Variants in EFR3A observed in about 807,000 individuals in gnomAD.
EFR3A encodes protein EFR3 homolog A.
Under a neutral mutation model 104.4 loss-of-function variants are expected in EFR3A, and 76 were observed. The ratio of observed to expected loss-of-function variants is 0.73; its 90% CI spans 0.60 to 0.88. The LOEUF (loss-of-function observed/expected upper bound fraction) is 0.88. EFR3A is among the 40% of genes least tolerant of loss of function. The pLI, the probability that EFR3A is intolerant of heterozygous loss-of-function variation, is 0.00. For missense variants in EFR3A, 985 were observed against 1,012.5 expected (o/e 0.97, Z 0.37); for synonymous variants, 330 against 330.0 (o/e 1.00, Z 0.00).
Position 131,958,228 on chromosome 8 carries a change from A to G in EFR3A, c.777-1357A>G, listed in dbSNP as rs549982583. Among the ~76,000 whole-genome samples, 157 of 152,310 alleles carry G rather than the reference A, an allele frequency of 1.0e-3. 1 individual carries two copies. The highest frequency in any genetic ancestry group is 3.6e-3 in the African/African-American group (148 of 41,588). ...TAACTTGACTATTGGGTAAGAATCC[A>G]TAAGATCATGATAATGCAGGTCATA... is the stretch of plus-strand genomic sequence containing the variant. On this transcript the variant is annotated intron_variant, in intron 7 of 22. Coordinates refer to ENST00000254624, the MANE Select transcript of EFR3A (RefSeq NM_015137.6).
intron 8 of EFR3A, among the ~76,000 whole-genome samples, chr8:131,966,825 A>G (rs184611553): frequency 1.9e-4 from 29 of 152,170 alleles, no homozygotes; most frequent in Admixed American, 1.8e-3. Context: ...ACCATAGGTA[A>G]ATGAAACCTC....
At chr8:131,988,806 A>T (rs566310438) in intron 18 of EFR3A, among the ~76,000 whole-genome samples, 1 of 152,226 alleles carries the variant, frequency 6.6e-6, no homozygotes, top group East Asian at 1.9e-4. Flanking sequence ...TAGCTTAATA[A>T]AATGTGCCTT....
At chr8:131,958,118 A>G (rs925445382) in intron 7 of EFR3A, among the ~76,000 whole-genome samples, 4 of 152,194 alleles carry the variant, frequency 2.6e-5, no homozygotes, top group African/African-American at 9.6e-5. Context: ...TATGCGAACT[A>G]TAAGTAATTG....
At chr8:131,916,692 A>T (rs1211970470) in intron 1 of EFR3A, among the ~76,000 whole-genome samples, 1 of 152,230 alleles carries the variant, frequency 6.6e-6, no homozygotes, top group Admixed American at 6.5e-5. Context: ...AACAAATACC[A>T]TTGCAACAAA....
intron 1 of EFR3A, among the ~76,000 whole-genome samples, chr8:131,928,987 A>G (rs916221723): frequency 5.9e-5 from 9 of 152,212 alleles, no homozygotes; most frequent in African/African-American, 2.2e-4. Flanking sequence ...TTCTTACCTC[A>G]GGATTCTCTA....
chr8:132,007,424 A>G (rs905492459), intron 22 of EFR3A, among the ~76,000 whole-genome samples: 8 of 151,956 alleles, frequency 5.3e-5, no homozygotes, highest in Non-Finnish European at 2.9e-5. Context: ...ATTTAACAGT[A>G]TGTAAGATTT....
chr8:131,969,926 T>G (rs1051351021), intron 9 of EFR3A, among the ~76,000 whole-genome samples: 1 of 152,092 alleles, frequency 6.6e-6, no homozygotes, highest in East Asian at 1.9e-4. Flanking sequence ...TAAAATAAAG[T>G]GGACAGAAGC....
Position 131,976,123 on chromosome 8 carries a change from T to C in EFR3A, c.1256T>C (p.Leu419Ser), listed in dbSNP as rs769708336. ...GTCTTTGGAACATCTACCCATACTT[T>C]GGATATCAGTCAACTAGGGTATGTT... ...VPVFGTSTHT[L>S]DISQLGDLGT... The change falls in exon 11 of 23, where the codon TTG becomes TCG. Residue 419 changes from leucine to serine, a missense_variant. By Grantham distance (145) the Leu-to-Ser change is moderately radical. Coordinates refer to ENST00000254624, the MANE Select transcript of EFR3A (RefSeq NM_015137.6). 6.3e-7 allele frequency: 1 copy of C among 1,590,472 alleles called. No individual in the cohort carries two copies. The highest frequency in any genetic ancestry group is 1.7e-5 in the Admixed American group (1 of 58,134).
intron 8 of EFR3A, among the ~76,000 whole-genome samples, chr8:131,962,482 A>G (rs903612734): frequency 6.6e-6 from 1 of 152,224 alleles, no homozygotes; most frequent in African/African-American, 2.4e-5. Flanking sequence ...CATAATGGTA[A>G]AGGGATCAAT....
At chr8:131,999,348 G>A (rs955338607) in intron 19 of EFR3A, among the ~76,000 whole-genome samples, 1 of 152,102 alleles carries the variant, frequency 6.6e-6, no homozygotes, top group African/African-American at 2.4e-5. Context: ...ACACTCTGTG[G>A]TGCTAGATGC....
chr8:131,984,030 T>C, intron 14 of EFR3A, 109 bp from the exon 15 acceptor site: 1 of 871,082 alleles, frequency 1.1e-6, no homozygotes, highest in Non-Finnish European at 1.6e-6. Flanking sequence ...TTCATTTCCA[T>C]GTTAAGCTAT....
At chr8:132,010,429 T>A (rs1045754361) in intron 22 of EFR3A, among the ~76,000 whole-genome samples, 1 of 112,434 alleles carries the variant, frequency 8.9e-6, no homozygotes, top group Non-Finnish European at 1.8e-5. Flanking sequence ...TATATATATA[T>A]ATATATATAT....
At chr8:131,946,258 G>A (rs10104588) in intron 3 of EFR3A, among the ~76,000 whole-genome samples, 51,277 of 151,758 alleles carry the variant, frequency 0.34, 9,027 homozygotes, top group East Asian at 0.61. Flanking sequence ...GAGAAAATGG[G>A]GGAATACAGT....
At chr8:131,966,699 A>C (rs923039120) in intron 8 of EFR3A, among the ~76,000 whole-genome samples, 1 of 152,104 alleles carries the variant, frequency 6.6e-6, no homozygotes, top group Non-Finnish European at 1.5e-5. Flanking sequence ...TCAGAATTCG[A>C]TCTTGGGCGA....
intron 1 of EFR3A, among the ~76,000 whole-genome samples, chr8:131,938,863 C>A (rs557999048): frequency 6.6e-6 from 1 of 152,054 alleles, no homozygotes; most frequent in East Asian, 1.9e-4. Flanking sequence ...ATGATCATAA[C>A]CCTCAGAGAG....
Position 131,970,311 on chromosome 8 carries a change from A to G in EFR3A, c.992-165A>G, listed in dbSNP as rs1190460506. ...GTTATAATGAGTGTCTTTCTTAATT[A>G]TTTCTCATTTACTCTTTTTTAAAAA... is the stretch of plus-strand genomic sequence containing the variant. On this transcript the variant is annotated intron_variant, in intron 9 of 22. Transcript: ENST00000254624. Among the ~76,000 whole-genome samples, 3 of 152,160 alleles carry G rather than the reference A, an allele frequency of 2.0e-5. No individual in the cohort carries two copies. The South Asian group carries it at 6.2e-4, about 32-fold the overall frequency.
intron 7 of EFR3A, 108 bp downstream of exon 7, chr8:131,956,013 A>G (rs1014332330): frequency 7.8e-7 from 1 of 1,275,622 alleles, no homozygotes; most frequent in Non-Finnish European, 1.1e-6. Flanking sequence ...TGAGTTATTA[A>G]TGGAACCAGT....
At chr8:131,946,833 A>G (rs182908339) in intron 4 of EFR3A, among the ~76,000 whole-genome samples, 200 bp downstream of exon 4, 46 of 152,236 alleles carry the variant, frequency 3.0e-4, no homozygotes, top group Non-Finnish European at 5.3e-4. Flanking sequence ...TTAACTAATC[A>G]TAATAGAATG....
chr8:131,973,057 G>T (rs947606258), intron 10 of EFR3A, among the ~76,000 whole-genome samples: 2 of 147,626 alleles, frequency 1.4e-5, no homozygotes, highest in East Asian at 2.0e-4. Context: ...TCATCTAGTT[G>T]CAGTCTCATC....
Sources: allele counts gnomAD v4.1 joint callset (sites outside exome capture counted in the v4.1 genomes callset), GRCh38; gene constraint gnomAD v4.1.1; transcripts MANE v1.5; gene names NCBI Gene and HGNC (gene_info 2026-07-23, HGNC 2026-07-21).